DIP2B: variants seen among roughly 807,000 people sequenced by gnomAD.
DIP2B encodes DIP2 acetate--CoA ligase B (putative), also known as disco-interacting protein 2 homolog B.
A neutral mutation model predicts 198.0 loss-of-function variants in DIP2B; 76 were observed. That is an observed-to-expected ratio of 0.38 (90% CI 0.32 to 0.46). The LOEUF is 0.46. Ranked by LOEUF, DIP2B falls within the 20% of genes least tolerant of loss-of-function variation. DIP2B has a pLI of 0.99. For synonymous variants in DIP2B, 701 were observed against 739.1 expected (o/e 0.95, Z 0.84); for missense variants, 1,559 against 1,978.4 (o/e 0.79, Z 4.02).
At chr12:50,618,850 A>G (rs1047364256) in intron 1 of DIP2B, among the ~76,000 whole-genome samples, 6 of 152,118 alleles carry the variant, frequency 3.9e-5, no homozygotes, top group African/African-American at 1.2e-4. Context: ...TTTCATTACC[A>G]TTCTCTCCTT....
intron 1 of DIP2B, among the ~76,000 whole-genome samples, chr12:50,581,427 C>G (rs1233127030): frequency 2.0e-5 from 3 of 149,478 alleles, no homozygotes; most frequent in African/African-American, 7.3e-5. Context: ...TGGAGGCGCC[C>G]AATAGGAGTG....
chr12:50,602,598 C>T (rs74719891), intron 1 of DIP2B, among the ~76,000 whole-genome samples: 4,154 of 152,332 alleles, frequency 0.027, 85 homozygotes, highest in Non-Finnish European at 0.041. Context: ...TGCGGTGGCT[C>T]ACGCCTAATC....
chr12:50,735,023 G>A (rs1322435835), intron 33 of DIP2B, 50 bp from the exon 34 acceptor site: 1 of 1,607,570 alleles, frequency 6.2e-7, no homozygotes, highest in Non-Finnish European at 8.5e-7. Flanking sequence ...GGAACATGGC[G>A]ACTTCTCCTC....
chr12:50,737,849 A>G (rs763261594), intron 35 of DIP2B, among the ~76,000 whole-genome samples: 35 of 152,188 alleles, frequency 2.3e-4, no homozygotes, highest in Middle Eastern at 3.4e-3. Flanking sequence ...TAGCCTCCCA[A>G]AATACTAGGA....
chr12:50,628,854 ATC>A lies in DIP2B; in HGVS notation c.172+2813_172+2814del, dbSNP rs545969316. On this transcript the variant is annotated intron_variant, in intron 2 of 37. Coordinates refer to ENST00000301180, the MANE Select transcript of DIP2B (RefSeq NM_173602.3). ...CTGTCTCTCAAAACTCTTATTTTGAATCTCTCTTCTTATCTTCTTTTCTTTCA... is the reference window on the plus strand; with the variant it reads ...CTGTCTCTCAAAACTCTTATTTTGAATCTCTTCTTATCTTCTTTTCTTTCA... Among the ~76,000 whole-genome samples, 94 of 152,114 alleles carry A rather than the reference ATC, an allele frequency of 6.2e-4. 1 individual carries two copies. In the South Asian group the frequency reaches 0.015, roughly 25 times the overall value.
intron 8 of DIP2B, chr12:50,679,766 T>C (rs1462318902): frequency 6.6e-6 from 1 of 152,250 alleles, no homozygotes; most frequent in Non-Finnish European, 1.5e-5. Flanking sequence ...CATGTTTATT[T>C]AACATCTATG....
intron 25 of DIP2B, among the ~76,000 whole-genome samples, chr12:50,719,304 A>G (rs1160147837): frequency 6.6e-6 from 1 of 152,214 alleles, no homozygotes; most frequent in African/African-American, 2.4e-5. Context: ...TGGAGCCAAC[A>G]ATGCAATTAC....
chr12:50,578,944 A>G (rs1289719252), intron 1 of DIP2B, among the ~76,000 whole-genome samples: 1 of 152,230 alleles, frequency 6.6e-6, no homozygotes, highest in African/African-American at 2.4e-5. Flanking sequence ...TACTAATGGT[A>G]CAAAAGCAAT....
chr12:50,728,735 G>C (rs1939983447), intron 30 of DIP2B, 57 bp downstream of exon 30: 2 of 1,581,180 alleles, frequency 1.3e-6, no homozygotes, highest in Admixed American at 3.5e-5. Flanking sequence ...TGTGGCCATG[G>C]CCATCTCATC....
At position 50,547,658 on chromosome 12, in the gene DIP2B, AAAT is replaced by A. The variant is rs567989685; in HGVS notation, c.100+42421_100+42423del. The stretch of plus-strand genomic sequence containing the variant: ...GCTGTGAACCTAAAACTGCTAAAAA[AAAT>A]AAGTCTACTAAAAGAGCTAGAGCTA... On this transcript the variant is annotated intron_variant, in intron 1 of 37. Coordinates refer to ENST00000301180, the MANE Select transcript of DIP2B (RefSeq NM_173602.3). Among the ~76,000 whole-genome samples the A allele has an allele frequency of 6.6e-5, 10 of 152,384 alleles. No homozygotes were observed. In the South Asian group the frequency reaches 2.1e-3, roughly 32 times the overall value.
At chr12:50,716,480 A>T (rs1393311169) in intron 23 of DIP2B, among the ~76,000 whole-genome samples, 1 of 152,164 alleles carries the variant, frequency 6.6e-6, no homozygotes, top group African/African-American at 2.4e-5. Context: ...GTGAGCCAAG[A>T]TTGTGCCACT....
At chr12:50,585,360 T>A (rs1958761327) in intron 1 of DIP2B, among the ~76,000 whole-genome samples, 1 of 152,230 alleles carries the variant, frequency 6.6e-6, no homozygotes, top group African/African-American at 2.4e-5. Flanking sequence ...GTGTGCTGAC[T>A]GTGACCTGTG....
rs866285261 is a variant in DIP2B at position 50,717,793 on chromosome 12, G to T, written c.2852-916G>T. On this transcript the variant is annotated intron_variant, in intron 23 of 37. Coordinates refer to ENST00000301180, the MANE Select transcript of DIP2B (RefSeq NM_173602.3). Reference sequence around the variant, plus strand: ...TGTAGAGACAGGGTTTTGCCATGTTGCCCAGGCTGGTCACAAACTCCTCGG... The same window carrying T: ...TGTAGAGACAGGGTTTTGCCATGTTTCCCAGGCTGGTCACAAACTCCTCGG... Among the ~76,000 whole-genome samples the T allele has an allele frequency of 5.3e-5, 8 of 151,352 alleles. 1 individual carries two copies. The South Asian group carries it at 1.5e-3, about 28-fold the overall frequency.
chr12:50,668,523 A>T (rs2139521180), intron 4 of DIP2B, among the ~76,000 whole-genome samples: 1 of 152,318 alleles, frequency 6.6e-6, no homozygotes, highest in African/African-American at 2.4e-5. Context: ...AATACACCTA[A>T]TTGCATAATT....
chr12:50,675,190 A>T, intron 6 of DIP2B, 139 bp from the exon 7 acceptor site: 1 of 940,238 alleles, frequency 1.1e-6, no homozygotes, highest in Non-Finnish European at 1.6e-6. Context: ...CTTGTTGTGT[A>T]CATATTTGGT....
chr12:50,586,049 G>A (rs1014051876), intron 1 of DIP2B, among the ~76,000 whole-genome samples: 1 of 152,118 alleles, frequency 6.6e-6, no homozygotes, highest in Non-Finnish European at 1.5e-5. Context: ...GAACTCATGC[G>A]TCCTAGATGT....
chr12:50,672,737 T>C (rs573206630), intron 5 of DIP2B, among the ~76,000 whole-genome samples: 40 of 152,336 alleles, frequency 2.6e-4, no homozygotes, highest in South Asian at 2.1e-4. Flanking sequence ...CCTATAATCC[T>C]ACCTCCCATG....
chr12:50,636,092 A>G (rs1440707899), intron 2 of DIP2B, among the ~76,000 whole-genome samples: 1 of 152,234 alleles, frequency 6.6e-6, no homozygotes, highest in Non-Finnish European at 1.5e-5. Flanking sequence ...AGAGAGTAGA[A>G]TAAGTACTGT....
chr12:50,704,029 A>G, intron 19 of DIP2B, 111 bp from the exon 20 acceptor site: 1 of 804,258 alleles, frequency 1.2e-6, no homozygotes, highest in South Asian at 1.6e-5. Context: ...TACTGGATTC[A>G]CTATTACATT....
Sources: allele counts gnomAD v4.1 joint callset (sites outside exome capture counted in the v4.1 genomes callset), GRCh38; gene constraint gnomAD v4.1.1; transcripts MANE v1.5; gene names NCBI Gene and HGNC (gene_info 2026-07-23, HGNC 2026-07-21).